MTHFD1L: variants seen among roughly 807,000 people sequenced by gnomAD.
The protein encoded by MTHFD1L is monofunctional C1-tetrahydrofolate synthase, mitochondrial.
In MTHFD1L, 81 loss-of-function variants were observed where a neutral mutation model predicts 119.5. The ratio of observed to expected loss-of-function variants is 0.68; its 90% CI spans 0.57 to 0.82. The LOEUF (loss-of-function observed/expected upper bound fraction) is 0.82, where lower values mean the gene tolerates loss of function less well. MTHFD1L is among the 40% of genes least tolerant of loss of function. The pLI is 0.00. For synonymous variants in MTHFD1L, 430 were observed against 475.2 expected, an observed-to-expected ratio of 0.90 and a Z score of 1.24; for missense variants, 1,125 against 1,253.4, an observed-to-expected ratio of 0.90 and a Z score of 1.55.
At chr6:150,972,101 G>A (rs760063851) in intron 20 of MTHFD1L, 43 bp downstream of exon 20, 10 of 1,541,504 alleles carry the variant, frequency 6.5e-6, no homozygotes, top group Non-Finnish European at 9.0e-6. Context: ...GAATATTGAA[G>A]AAATCTAAAA....
chr6:150,946,048 C>T (rs1458263355), intron 15 of MTHFD1L, among the ~76,000 whole-genome samples: 1 of 152,150 alleles, frequency 6.6e-6, no homozygotes, highest in South Asian at 2.1e-4. Context: ...GTGAGTCCTT[C>T]TCTTTCTAAA....
At chr6:151,035,377 C>T (rs1345698581) in intron 25 of MTHFD1L, among the ~76,000 whole-genome samples, 2 of 152,118 alleles carry the variant, frequency 1.3e-5, no homozygotes, top group East Asian at 1.9e-4. Flanking sequence ...TGATGGGTAG[C>T]GTTGACCTTT....
At chr6:151,020,815 A>C (rs1469595311) in intron 24 of MTHFD1L, among the ~76,000 whole-genome samples, 1 of 152,208 alleles carries the variant, frequency 6.6e-6, no homozygotes, top group Non-Finnish European at 1.5e-5. Flanking sequence ...TCGTTCACTA[A>C]GAGAATATCT....
At chr6:151,077,092 T>C (rs759549474) in intron 26 of MTHFD1L, among the ~76,000 whole-genome samples, 9 of 152,096 alleles carry the variant, frequency 5.9e-5, no homozygotes, top group Non-Finnish European at 8.8e-5. Flanking sequence ...GGAATTCCAA[T>C]AAGACAGAAG....
At chr6:150,924,512 T>C (rs1789581858) in intron 10 of MTHFD1L, among the ~76,000 whole-genome samples, 1 of 152,030 alleles carries the variant, frequency 6.6e-6, no homozygotes, top group Admixed American at 6.6e-5. Context: ...AGTCTTATTC[T>C]GTTGCCCAGG....
intron 25 of MTHFD1L, among the ~76,000 whole-genome samples, chr6:151,035,744 A>G (rs371251454): frequency 6.6e-6 from 1 of 152,020 alleles, no homozygotes. Flanking sequence ...TTCTCCTTTC[A>G]GTGTTAAAAT....
At chr6:151,085,195 T>C (rs1207774523) in intron 26 of MTHFD1L, among the ~76,000 whole-genome samples, 1 of 151,706 alleles carries the variant, frequency 6.6e-6, no homozygotes, top group African/African-American at 2.4e-5. Context: ...TTGAAAATAT[T>C]TTAAGTAAAT....
intron 27 of MTHFD1L, among the ~76,000 whole-genome samples, chr6:151,097,232 G>C (rs1794960121): frequency 6.6e-6 from 1 of 152,116 alleles, no homozygotes; most frequent in African/African-American, 2.4e-5. Context: ...CGTTGAGTAC[G>C]GAATCAGATT....
chr6:151,049,271 C>T (rs1788607559), intron 26 of MTHFD1L, among the ~76,000 whole-genome samples: 1 of 152,190 alleles, frequency 6.6e-6, no homozygotes, highest in Non-Finnish European at 1.5e-5. Context: ...GCAGGCAGAT[C>T]ACGAGGTCAG....
At chr6:150,903,971 G>T (rs1053796716) in intron 7 of MTHFD1L, among the ~76,000 whole-genome samples, 1 of 151,948 alleles carries the variant, frequency 6.6e-6, no homozygotes, top group African/African-American at 2.4e-5. Context: ...CATTTTTATC[G>T]TGCTCCTCCT....
At chr6:150,979,628 G>A (rs377527433) in intron 20 of MTHFD1L, among the ~76,000 whole-genome samples, 2 of 152,114 alleles carry the variant, frequency 1.3e-5, no homozygotes, top group South Asian at 4.1e-4. Flanking sequence ...AGCCTCCCAA[G>A]TAGCTGGGAT....
chr6:150,937,864 G>A (rs1792381404), intron 12 of MTHFD1L, among the ~76,000 whole-genome samples: 1 of 152,220 alleles, frequency 6.6e-6, no homozygotes, highest in African/African-American at 2.4e-5. Context: ...CATGGGCGGT[G>A]TTGTTCTGCT....
intron 26 of MTHFD1L, among the ~76,000 whole-genome samples, chr6:151,061,271 G>C (rs1790593400): frequency 6.6e-6 from 1 of 152,056 alleles, no homozygotes; most frequent in African/African-American, 2.4e-5. Context: ...AGCTTCCAGA[G>C]TACTCTCCCC....
At chr6:151,070,959 C>G (rs1281522037) in intron 26 of MTHFD1L, among the ~76,000 whole-genome samples, 2 of 152,198 alleles carry the variant, frequency 1.3e-5, no homozygotes, top group African/African-American at 2.4e-5. Context: ...GTGGAAATCC[C>G]CTCTGCCTAC....
intron 7 of MTHFD1L, among the ~76,000 whole-genome samples, chr6:150,893,958 T>C (rs1394470156): frequency 6.6e-6 from 1 of 152,172 alleles, no homozygotes; most frequent in Non-Finnish European, 1.5e-5. Context: ...TAAATGCTAA[T>C]GTGGGCCGGG....
intron 20 of MTHFD1L, among the ~76,000 whole-genome samples, chr6:151,001,019 A>T (rs920068037): frequency 3.3e-5 from 5 of 152,178 alleles, no homozygotes; most frequent in African/African-American, 1.2e-4. Context: ...AATTCTTTTG[A>T]TGATTAAGTT....
chr6:150,961,724 T>C (rs1370555759), intron 18 of MTHFD1L, among the ~76,000 whole-genome samples: 3 of 144,216 alleles, frequency 2.1e-5, no homozygotes, highest in Non-Finnish European at 4.6e-5. Flanking sequence ...TCTTGTCAAG[T>C]AAATTCAATA....
At position 151,060,600 on chromosome 6, in the gene MTHFD1L, C is replaced by G. The variant is rs1790497269; in HGVS notation, c.2847+23483C>G. Among the ~76,000 whole-genome samples the G allele has an allele frequency of 1.3e-5, 2 of 152,176 alleles. 1 individual carries two copies. The highest frequency in any genetic ancestry group is 4.1e-4 in the South Asian group (2 of 4,828). ...AGGAATGGGGTTACCTAAGCCGGAT[C>G]ATGAAGGACGAGAACAGACTCACCA... On this transcript the variant is annotated intron_variant, in intron 26 of 27. Coordinates refer to ENST00000367321, the MANE Select transcript of MTHFD1L (RefSeq NM_015440.5).
At chr6:150,937,058 T>C in intron 12 of MTHFD1L, 118 bp downstream of exon 12, 1 of 1,267,782 alleles carries the variant, frequency 7.9e-7, no homozygotes, top group Admixed American at 2.1e-5. Flanking sequence ...GTACATTTCT[T>C]CACTGCACAC....
Sources: gnomAD v4.1 joint callset for allele counts (sites outside exome capture counted in the v4.1 genomes callset) on GRCh38, gnomAD v4.1.1 for gene constraint, MANE v1.5 for transcripts, NCBI Gene and HGNC (gene_info 2026-07-23, HGNC 2026-07-21) for gene names.